The following PIK3R5 variants were observed in gnomAD, a reference collection of about 807,000 sequenced individuals.
PIK3R5 encodes phosphoinositide-3-kinase regulatory subunit 5.
In PIK3R5, 32 loss-of-function variants were observed where a neutral mutation model predicts 94.9. The observed-to-expected ratio is 0.34, with a 90% CI of 0.25 to 0.45. PIK3R5 has a LOEUF of 0.45. Among genes scored for constraint, PIK3R5 ranks in the 20% least tolerant of loss-of-function variants. The pLI is 1.00. For synonymous variants in PIK3R5, 443 were observed against 479.4 expected (o/e 0.92, Z 0.99); for missense variants, 853 against 1,144.6 (o/e 0.75, Z 3.68).
In PIK3R5 at chr17:8,887,599, G is replaced by A. The variant is rs749599267; in HGVS notation, c.1701C>T (p.Thr567=). The A allele has an allele frequency of 1.2e-6, 2 of 1,610,126 alleles. No homozygotes were observed. Among genetic ancestry groups the A allele is most frequent in the South Asian group, 1.1e-5 (1 of 90,252 alleles). The change falls in exon 11 of 19, where the codon ACC becomes ACT. Residue 567 remains threonine (T), a synonymous_variant. Coordinates refer to ENST00000447110, the MANE Select transcript of PIK3R5 (RefSeq NM_001142633.3). ...GAGGGGGTGGACAGGCACCAGGGCT[G>A]GTCCCATGACTTCGCTTCACAGGCA... The part of the protein sequence containing the change: ...FYVPVKRSHG[T]SPGACPPPRS...
chr17:8,964,647 T>C (rs939121886), intron 1 of PIK3R5, among the ~76,000 whole-genome samples: 2 of 152,148 alleles, frequency 1.3e-5, no homozygotes, highest in Non-Finnish European at 2.9e-5. Context: ...AGCCACGTTG[T>C]AGGGTTGGCT....
At chr17:8,897,234 G>A (rs995430161) in intron 5 of PIK3R5, among the ~76,000 whole-genome samples, 6 of 152,182 alleles carry the variant, frequency 3.9e-5, no homozygotes, top group African/African-American at 1.4e-4. Flanking sequence ...AGGGAGGCTC[G>A]GAATCTCTGG....
At chr17:8,886,138 C>T in intron 14 of PIK3R5, 91 bp downstream of exon 14, 1 of 977,552 alleles carries the variant, frequency 1.0e-6, no homozygotes, top group Non-Finnish European at 1.6e-6. Flanking sequence ...TCCCATGGCC[C>T]CACCTCCCAG....
At chr17:8,933,707 C>T (rs557060218) in intron 1 of PIK3R5, among the ~76,000 whole-genome samples, 5 of 151,856 alleles carry the variant, frequency 3.3e-5, no homozygotes, top group South Asian at 2.1e-4. Flanking sequence ...TAATCATTTC[C>T]GAAATAAGTA....
intron 11 of PIK3R5, 86 bp from the exon 12 acceptor site, chr17:8,887,307 C>A: frequency 6.5e-7 from 1 of 1,540,920 alleles, no homozygotes; most frequent in Non-Finnish European, 8.9e-7. Flanking sequence ...CACCTGCAGC[C>A]CCATGCTGAG....
intron 1 of PIK3R5, among the ~76,000 whole-genome samples, chr17:8,959,168 G>A (rs993620818): frequency 1.2e-4 from 18 of 152,152 alleles, no homozygotes; most frequent in Non-Finnish European, 2.2e-4. Context: ...CCCCCAGCAC[G>A]CCGCTTCAGG....
At position 8,935,807 on chromosome 17, in the gene PIK3R5, C is replaced by A. The variant is rs2091063292; in HGVS notation, c.-13-24300G>T. Among the ~76,000 whole-genome samples, 1 of 152,146 alleles carries A rather than the reference C, an allele frequency of 6.6e-6. No individual in the cohort carries two copies. The highest frequency in any genetic ancestry group is 2.1e-4 in the South Asian group (1 of 4,828). On this transcript the variant is annotated intron_variant, in intron 1 of 18. Transcript: ENST00000447110. The surrounding 1 kb of genome is among the most constrained non-coding windows in gnomAD (Gnocchi z 4.5). ...TGGTGGCTCACGCTTGTAATCCCAGCACTTTGGGAGGCTGAGGCGGGCGGA... is the reference window on the plus strand; with the variant it reads ...TGGTGGCTCACGCTTGTAATCCCAGAACTTTGGGAGGCTGAGGCGGGCGGA...
At chr17:8,948,893 T>A (rs889830669) in intron 1 of PIK3R5, among the ~76,000 whole-genome samples, 1 of 151,794 alleles carries the variant, frequency 6.6e-6, no homozygotes, top group Non-Finnish European at 1.5e-5. Context: ...AACTACCCAG[T>A]GGGTTAGGTG....
chr17:8,888,998 T>C lies in PIK3R5; in HGVS notation c.896-107A>G. The C allele has an allele frequency of 6.6e-7, 1 of 1,521,520 alleles. No homozygotes were observed. The allele number at this position is 1,521,520 out of a possible 1,614,324, so 94.3% of individuals were successfully genotyped here. A position where few individuals can be genotyped will look rare whatever the true frequency, so the allele number is the denominator to read the frequency against. On this transcript the variant is annotated intron_variant, in intron 9 of 18. Transcript: ENST00000447110. The surrounding 1 kb of genome is among the most constrained non-coding windows in gnomAD (Gnocchi z 7.8). ...GGACTCAGGGCCAGCCCAGGACTCCTAGCACTGCCCCCTTGCTCTGCTTAG... is the reference window on the plus strand; with the variant it reads ...GGACTCAGGGCCAGCCCAGGACTCCCAGCACTGCCCCCTTGCTCTGCTTAG...
rs184836091 is a variant in PIK3R5 at position 8,909,919 on chromosome 17, G to T, written c.104-745C>A. Among the ~76,000 whole-genome samples the T allele has an allele frequency of 1.3e-5, 2 of 152,304 alleles. No individual in the cohort carries two copies. Among genetic ancestry groups the T allele is most frequent in the Non-Finnish European group, 2.9e-5 (2 of 68,028 alleles). ...GCCACGGTGAGTTCCATCCCAAGAC[G>T]CAAGACTGAGTCTACAGCAGCCATG... is the stretch of plus-strand genomic sequence containing the variant. On this transcript the variant is annotated intron_variant, in intron 2 of 18. Transcript: ENST00000447110. The surrounding 1 kb of genome is among the most constrained non-coding windows in gnomAD (Gnocchi z 4.3).
At chr17:8,960,290 C>T (rs565108240) in intron 1 of PIK3R5, among the ~76,000 whole-genome samples, 1 of 152,232 alleles carries the variant, frequency 6.6e-6, no homozygotes, top group Non-Finnish European at 1.5e-5. Flanking sequence ...TACTTTATAT[C>T]TTTCAAGTCT....
At chr17:8,948,056 AAAAAAAAAAAG>A (rs2091308094) in intron 1 of PIK3R5, among the ~76,000 whole-genome samples, 1 of 150,630 alleles carries the variant, frequency 6.6e-6, no homozygotes, top group African/African-American at 2.4e-5. Context: ...AAAAAAAAAA[AAAAAAAAAAAG>A]AAAAGAAAAG....
intron 1 of PIK3R5, among the ~76,000 whole-genome samples, chr17:8,932,188 C>G (rs955948708): frequency 4.0e-5 from 6 of 151,668 alleles, no homozygotes; most frequent in African/African-American, 1.5e-4. Context: ...GAAAAATGGA[C>G]AGAGCAAGTT....
At chr17:8,924,315 G>A (rs1016833292) in intron 1 of PIK3R5, among the ~76,000 whole-genome samples, 7 of 150,930 alleles carry the variant, frequency 4.6e-5, no homozygotes, top group Non-Finnish European at 7.4e-5. Flanking sequence ...CTGAGCTCAA[G>A]CAATCTGCTG....
intron 1 of PIK3R5, among the ~76,000 whole-genome samples, chr17:8,963,461 A>T (rs2091601048): frequency 6.6e-6 from 1 of 150,410 alleles, no homozygotes; most frequent in African/African-American, 2.4e-5. Context: ...GCCAACATCA[A>T]CCCCAAATGC....
Position 8,904,696 on chromosome 17 carries a change from C to A in PIK3R5, c.412+81G>T. 1 of 1,442,758 alleles carries A rather than the reference C, an allele frequency of 6.9e-7. No individual in the cohort carries two copies. Among genetic ancestry groups the A allele is most frequent in the South Asian group, 1.2e-5 (1 of 82,106 alleles). The allele number at this position is 1,442,758 out of a possible 1,614,324, so 89.4% of individuals were successfully genotyped here. On this transcript the variant is annotated intron_variant, in intron 5 of 18. Coordinates refer to ENST00000447110, the MANE Select transcript of PIK3R5 (RefSeq NM_001142633.3). The surrounding 1 kb of genome is among the most constrained non-coding windows in gnomAD (Gnocchi z 5.1). ...TCAAAGGATGCAAGGTAAGGAGGGT[C>A]ACAAAAAACAGTTTCAGAGGAGTTG...
intron 14 of PIK3R5, 47 bp downstream of exon 14, chr17:8,886,169 CTCCACGTTTCGCG>C: frequency 1.5e-6 from 2 of 1,306,054 alleles, no homozygotes; most frequent in Non-Finnish European, 2.2e-6. Context: ...CTCCACAGAG[CTCCACGTTTCGCG>C]TCCCAGGCCC....
rs1316427072 is a variant in PIK3R5, at chr17:8,909,365, C to T, written c.104-191G>A. Among the ~76,000 whole-genome samples the T allele has an allele frequency of 6.6e-6, 1 of 151,992 alleles. No individual in the cohort carries two copies. The stretch of plus-strand genomic sequence containing the variant: ...AGTGCAGTGGTGCGATCTCAGCTCA[C>T]TGCAACCTCTGCCTCCCGGGTTCAA... On this transcript the variant is annotated intron_variant, in intron 2 of 18. Coordinates refer to ENST00000447110, the MANE Select transcript of PIK3R5 (RefSeq NM_001142633.3). The surrounding 1 kb of genome is among the most constrained non-coding windows in gnomAD (Gnocchi z 4.3).
At chr17:8,940,141 G>A (rs1438688540) in intron 1 of PIK3R5, among the ~76,000 whole-genome samples, 1 of 152,214 alleles carries the variant, frequency 6.6e-6, no homozygotes, top group Non-Finnish European at 1.5e-5. Context: ...CTGAAGGTGT[G>A]GTGTCAGAGC....
Sources: allele counts gnomAD v4.1 joint callset (sites outside exome capture counted in the v4.1 genomes callset), GRCh38; gene constraint gnomAD v4.1.1; non-coding constraint Gnocchi (gnomAD v3.1); transcripts MANE v1.5; gene names NCBI Gene and HGNC (gene_info 2026-07-23, HGNC 2026-07-21).